PACRG: variants seen among roughly 807,000 people sequenced by gnomAD.
The protein encoded by PACRG is parkin coregulated gene protein.
In PACRG, 29 loss-of-function variants were observed where a neutral mutation model predicts 29.7. That is an observed-to-expected ratio of 0.98 (90% CI 0.73 to 1.33). The LOEUF (loss-of-function observed/expected upper bound fraction) is 1.33, where lower values mean the gene tolerates loss of function less well. PACRG is among the 40% of genes most tolerant of loss of function. The pLI, the probability that PACRG is intolerant of heterozygous loss-of-function variation, is 0.00. For synonymous variants in PACRG, 116 were observed against 118.7 expected (o/e 0.98, Z 0.15); for missense variants, 279 against 316.2 (o/e 0.88, Z 0.89).
intron 2 of PACRG, among the ~76,000 whole-genome samples, chr6:162,884,305 G>C (rs1282459515): frequency 6.6e-6 from 1 of 152,026 alleles, no homozygotes; most frequent in Non-Finnish European, 1.5e-5. Flanking sequence ...TTTTCAAACT[G>C]TAACAAATCA....
intron 2 of PACRG, among the ~76,000 whole-genome samples, chr6:163,033,567 C>T (rs1807870194): frequency 6.6e-6 from 1 of 152,198 alleles, no homozygotes; most frequent in Non-Finnish European, 1.5e-5. Flanking sequence ...ACACTTTTTA[C>T]TTTTCTGACA....
Position 163,254,582 on chromosome 6 carries a change from C to T in PACRG, c.614-60245C>T, listed in dbSNP as rs538851205. On this transcript the variant is annotated intron_variant, in intron 4 of 4. Transcript: ENST00000366888. ...GATGGCCTCAGAAATGTAGTTTGCT[C>T]TCCCCTTTAAGGTCACTGTCCAGGA... Among the ~76,000 whole-genome samples the T allele has an allele frequency of 3.2e-3, 491 of 152,296 alleles. 2 individuals carry two copies. The highest frequency in any genetic ancestry group is 0.011 in the African/African-American group (456 of 41,568).
intron 1 of PACRG, among the ~76,000 whole-genome samples, chr6:162,752,722 T>C (rs147305355): frequency 6.6e-6 from 1 of 152,340 alleles, no homozygotes; most frequent in Admixed American, 6.5e-5. Context: ...TTGTAGTTAC[T>C]TTAGTTTGAT....
intron 4 of PACRG, among the ~76,000 whole-genome samples, chr6:163,162,383 T>G (rs78987144): frequency 0.13 from 19,874 of 152,296 alleles, 1,445 homozygotes; most frequent in Middle Eastern, 0.21. Context: ...AAAGTTCTGA[T>G]GCCAATTTCT....
chr6:162,781,477 C>T (rs558900383), intron 1 of PACRG, among the ~76,000 whole-genome samples: 10 of 151,868 alleles, frequency 6.6e-5, no homozygotes, highest in Non-Finnish European at 1.5e-4. Flanking sequence ...AGTAAACATA[C>T]TTTATTTTTC....
chr6:163,271,859 G>A (rs1164358476), intron 4 of PACRG, among the ~76,000 whole-genome samples: 1 of 152,150 alleles, frequency 6.6e-6, no homozygotes, highest in Non-Finnish European at 1.5e-5. Flanking sequence ...ATTAACTTAA[G>A]TAGAATTGCT....
At chr6:163,047,920 T>C (rs1018893899) in intron 2 of PACRG, among the ~76,000 whole-genome samples, 5 of 152,252 alleles carry the variant, frequency 3.3e-5, no homozygotes, top group Non-Finnish European at 5.9e-5. Flanking sequence ...TAGTGATTGT[T>C]AATTTTATTA....
intron 2 of PACRG, among the ~76,000 whole-genome samples, chr6:162,892,621 A>G (rs1466138444): frequency 1.3e-5 from 2 of 152,062 alleles, no homozygotes; most frequent in South Asian, 2.1e-4. Context: ...CCGCATTGCC[A>G]TGGACTGAGA....
At chr6:162,759,920 A>C (rs146139310) in intron 1 of PACRG, among the ~76,000 whole-genome samples, 159 of 152,318 alleles carry the variant, frequency 1.0e-3, no homozygotes, top group South Asian at 3.1e-3. Flanking sequence ...AGCCTGAAGC[A>C]GGAATTGTGT....
At chr6:163,192,670 G>C (rs1034635680) in intron 4 of PACRG, among the ~76,000 whole-genome samples, 3 of 152,068 alleles carry the variant, frequency 2.0e-5, no homozygotes, top group Non-Finnish European at 4.4e-5. Flanking sequence ...TTATCATAGC[G>C]TACAAAGCTA....
chr6:163,031,309 A>G (rs1034554974), intron 2 of PACRG, among the ~76,000 whole-genome samples: 2 of 152,230 alleles, frequency 1.3e-5, no homozygotes, highest in Admixed American at 6.5e-5. Flanking sequence ...GTTGGAACCA[A>G]GCTGGTAGGG....
At chr6:162,873,461 A>T (rs554942831) in intron 2 of PACRG, among the ~76,000 whole-genome samples, 69 of 152,354 alleles carry the variant, frequency 4.5e-4, no homozygotes, top group Non-Finnish European at 9.4e-4. Context: ...GGTCAGCAAG[A>T]CATTTTAAAA....
At chr6:163,176,553 G>C (rs1008123936) in intron 4 of PACRG, among the ~76,000 whole-genome samples, 2 of 152,006 alleles carry the variant, frequency 1.3e-5, no homozygotes, top group East Asian at 1.9e-4. Context: ...AGAAAGAAAG[G>C]GGGGAGGGAA....
chr6:163,306,227 C>G (rs192916582), intron 4 of PACRG, among the ~76,000 whole-genome samples: 76 of 152,252 alleles, frequency 5.0e-4, no homozygotes, highest in Non-Finnish European at 1.0e-3. Context: ...GATAAGACAG[C>G]GAGAAATAGA....
intron 4 of PACRG, among the ~76,000 whole-genome samples, chr6:163,250,123 C>T (rs1287568004): frequency 6.6e-6 from 1 of 152,228 alleles, no homozygotes; most frequent in African/African-American, 2.4e-5. Flanking sequence ...CAGGAAACAA[C>T]AGTTGCACCA....
chr6:162,903,532 C>G (rs556399329), intron 2 of PACRG, among the ~76,000 whole-genome samples: 1,625 of 152,060 alleles, frequency 0.011, 22 homozygotes, highest in Non-Finnish European at 0.014. Flanking sequence ...GAATGAGAAC[C>G]AAGTGAAAGG....
intron 4 of PACRG, among the ~76,000 whole-genome samples, chr6:163,121,025 A>G (rs1204727968): frequency 6.6e-6 from 1 of 152,182 alleles, no homozygotes; most frequent in African/African-American, 2.4e-5. Context: ...TAATAGATAT[A>G]CTCTTCCATT....
At chr6:162,858,558 A>T in intron 2 of PACRG, among the ~76,000 whole-genome samples, 1 of 152,246 alleles carries the variant, frequency 6.6e-6, no homozygotes, top group East Asian at 1.9e-4. Context: ...AGCAAAGGAC[A>T]GAGTAACAAG....
chr6:162,855,026 G>C (rs1791261041), intron 2 of PACRG, among the ~76,000 whole-genome samples: 1 of 152,258 alleles, frequency 6.6e-6, no homozygotes, highest in Non-Finnish European at 1.5e-5. Flanking sequence ...GGTCGCTGCT[G>C]AAGTGGCTGA....
Sources: allele counts gnomAD v4.1 joint callset (sites outside exome capture counted in the v4.1 genomes callset), GRCh38; gene constraint gnomAD v4.1.1; transcripts MANE v1.5; gene names NCBI Gene and HGNC (gene_info 2026-07-23, HGNC 2026-07-21).